The following GCN1 variants were observed in gnomAD, a reference collection of about 807,000 sequenced individuals.
GCN1 encodes stalled ribosome sensor GCN1.
A neutral mutation model predicts 288.4 loss-of-function variants in GCN1; 90 were observed. The observed-to-expected ratio is 0.31, with a 90% CI of 0.26 to 0.37. The LOEUF (loss-of-function observed/expected upper bound fraction) is 0.37, where lower values mean the gene tolerates loss of function less well. Among genes scored for constraint, GCN1 ranks in the 10% least tolerant of loss-of-function variants. GCN1 has a pLI of 1.00. For missense variants in GCN1, 2,586 were observed against 3,419.9 expected (o/e 0.76, Z 6.08); for synonymous variants, 1,386 against 1,420.2 (o/e 0.98, Z 0.54).
chr12:120,131,375 G>C (rs1348557305), intron 54 of GCN1, 42 bp from the exon 55 acceptor site: 3 of 1,604,196 alleles, frequency 1.9e-6, no homozygotes, highest in Non-Finnish European at 2.6e-6. Flanking sequence ...GTATTTTACA[G>C]CATGTCCCCA....
At chr12:120,163,376 C>T in intron 18 of GCN1, 117 bp from the exon 19 acceptor site, 1 of 775,062 alleles carries the variant, frequency 1.3e-6, no homozygotes, top group Non-Finnish European at 2.1e-6. Context: ...GGGGTCCTTG[C>T]TGGAGTAGAA....
intron 7 of GCN1, among the ~76,000 whole-genome samples, 159 bp downstream of exon 7, chr12:120,178,466 T>C (rs982264042): frequency 1.3e-5 from 2 of 152,250 alleles, no homozygotes; most frequent in African/African-American, 4.8e-5. Context: ...TCATGTATCA[T>C]GGCAAAAGGC....
chr12:120,138,105 G>A, intron 47 of GCN1, 61 bp from the exon 48 acceptor site: 1 of 1,484,718 alleles, frequency 6.7e-7, no homozygotes, highest in Non-Finnish European at 9.2e-7. Flanking sequence ...CTAGGCTCTG[G>A]GAACAGACGG....
chr12:120,152,302 T>A (rs1877582421), intron 33 of GCN1, among the ~76,000 whole-genome samples: 1 of 151,446 alleles, frequency 6.6e-6, no homozygotes, highest in South Asian at 2.1e-4. Context: ...GCACTGGGAT[T>A]ATAGGCATGA....
chr12:120,183,853 A>G (rs1878741529), intron 4 of GCN1, among the ~76,000 whole-genome samples, 176 bp from the exon 5 acceptor site: 1 of 152,258 alleles, frequency 6.6e-6, no homozygotes, highest in Non-Finnish European at 1.5e-5. Context: ...TCCAGGCTTC[A>G]GTGGCCAAAC....
intron 33 of GCN1, among the ~76,000 whole-genome samples, chr12:120,152,577 C>G (rs1594270065): frequency 8.0e-6 from 1 of 125,070 alleles, no homozygotes. Context: ...ACGCCCAGCC[C>G]AACTGTTCAC....
At chr12:120,175,618 G>A (rs958809841) in intron 11 of GCN1, 128 bp downstream of exon 11, 1 of 935,304 alleles carries the variant, frequency 1.1e-6, no homozygotes, top group African/African-American at 1.7e-5. Flanking sequence ...ATTCCAGTGT[G>A]ACGTCCCCCT....
intron 33 of GCN1, among the ~76,000 whole-genome samples, chr12:120,152,402 C>CACAT (rs2139104199): frequency 7.4e-6 from 1 of 134,760 alleles, no homozygotes; most frequent in African/African-American, 2.9e-5. Flanking sequence ...CACACACACA[C>CACAT]ACACACACAA....
chr12:120,189,599 C>T (rs961490892), intron 2 of GCN1, among the ~76,000 whole-genome samples: 1 of 149,628 alleles, frequency 6.7e-6, no homozygotes, highest in Non-Finnish European at 1.5e-5. Flanking sequence ...AAACTCCTGA[C>T]CTTGTGATCT....
chr12:120,162,149 CCTT>C, intron 20 of GCN1, 91 bp from the exon 21 acceptor site: 1 of 1,031,560 alleles, frequency 9.7e-7, no homozygotes, highest in Non-Finnish European at 1.4e-6. Flanking sequence ...CACTGGCTCC[CCTT>C]CTTTATGCCA....
At chr12:120,176,879 GCCTCAGTCTCCTGAGTAGCTAGGA>G (rs2139132698) in intron 9 of GCN1, among the ~76,000 whole-genome samples, 1 of 152,108 alleles carries the variant, frequency 6.6e-6, no homozygotes, top group Admixed American at 6.5e-5. Flanking sequence ...TGATTTTCCT[GCCTCAGTCTCCTGAGTAGCTAGGA>G]CTACAGGCAT....
rs906387308 is a variant in GCN1 at position 120,151,153 on chromosome 12, C to T, written c.4301G>A (p.Arg1434Gln). ...AGCTCAGAGATGCTCACCCTCTCGCCGGCGGAAGTTCTTCTTATCTTGGAT... is the reference window on the plus strand; with the variant it reads ...AGCTCAGAGATGCTCACCCTCTCGCTGGCGGAAGTTCTTCTTATCTTGGAT... ...DAIQDKKNFR[R>Q]REGALFAFEM... is the part of the protein sequence containing the mutation. Residue 1434 changes from arginine (R) to glutamine (Q), a missense_variant, in exon 34 of 58, where the codon CGG becomes CAG. By Grantham distance (43) the Arg-to-Gln change is conservative. Around this residue, in one of 8 missense-constraint regions of GCN1, gnomAD observed 371 missense variants for 572.6 expected, o/e 0.65. Coordinates refer to ENST00000300648, the MANE Select transcript of GCN1 (RefSeq NM_006836.2). 8.1e-6 allele frequency: 13 copies of T among 1,613,108 alleles called. No homozygotes were observed. The highest frequency in any genetic ancestry group is 1.3e-5 in the African/African-American group (1 of 74,942).
At position 120,127,384 on chromosome 12, in the gene GCN1, G is replaced by A. The variant is rs2422; in HGVS notation, c.*465C>T. On this transcript the variant is annotated 3_prime_UTR_variant, in exon 58 of 58. Transcript: ENST00000300648. The stretch of plus-strand genomic sequence containing the variant: ...TGTGAATCATTTTCATCTGACAGGG[G>A]TCAGATCCATTCAGACCTCACAATA... 0.56 allele frequency: 86,889 copies of A among 154,216 alleles called. 24,683 individuals carry two copies. Among genetic ancestry groups the A allele is most frequent in the Admixed American group, 0.63 (9,814 of 15,592 alleles). 9.6% of individuals were successfully genotyped at this position (154,216 alleles called of 1,614,324 possible).
Position 120,156,858 on chromosome 12 carries a change from G to A in GCN1, c.3168+54C>T. ...GACTCCACCCTTTACACTGGGACTTGAGGTCTGGGTCACGAACTGAGTCAC... is the reference window on the plus strand; with the variant it reads ...GACTCCACCCTTTACACTGGGACTTAAGGTCTGGGTCACGAACTGAGTCAC... On this transcript the variant is annotated intron_variant, in intron 27 of 57. Transcript: ENST00000300648. The surrounding 1 kb of genome is among the most constrained non-coding windows in gnomAD (Gnocchi z 5.8). 2 of 1,233,988 alleles carry A rather than the reference G, an allele frequency of 1.6e-6. No homozygotes were observed. The highest frequency in any genetic ancestry group is 1.9e-4 in the Middle Eastern group (1 of 5,312). The allele number at this position is 1,233,988 out of a possible 1,614,324, so 76.4% of individuals were successfully genotyped here.
At chr12:120,163,717 C>T (rs60106205) in intron 18 of GCN1, among the ~76,000 whole-genome samples, 228 of 152,202 alleles carry the variant, frequency 1.5e-3, no homozygotes, top group African/African-American at 5.3e-3. Context: ...ATAACAAGCC[C>T]TATTTGCCTT....
chr12:120,189,605 G>A (rs995996470), intron 2 of GCN1, among the ~76,000 whole-genome samples: 2 of 151,180 alleles, frequency 1.3e-5, no homozygotes, highest in East Asian at 4.0e-4. Flanking sequence ...CTGACCTTGT[G>A]ATCTGTTGAC....
At chr12:120,151,431 C>A (rs747505990) in intron 33 of GCN1, 40 bp from the exon 34 acceptor site, 4 of 1,606,256 alleles carry the variant, frequency 2.5e-6, no homozygotes, top group African/African-American at 1.3e-5. Context: ...GGCTCCGCTG[C>A]AGCCGTTTCA....
chr12:120,188,255 G>A (rs567713734), intron 2 of GCN1, among the ~76,000 whole-genome samples: 1 of 152,164 alleles, frequency 6.6e-6, no homozygotes, highest in Admixed American at 6.5e-5. Flanking sequence ...CCAACATGGT[G>A]AAACCCCATC....
rs890814903 is a variant in GCN1, at chr12:120,158,427, G to A, written c.2905+33C>T. ...AGCATTCCTGGCACCAGCTCACACCGCCTGGTGCCCCTGATCCCGTCCCAG... is the reference window on the plus strand; with the variant it reads ...AGCATTCCTGGCACCAGCTCACACCACCTGGTGCCCCTGATCCCGTCCCAG... On this transcript the variant is annotated intron_variant, in intron 25 of 57. Transcript: ENST00000300648. The surrounding 1 kb of genome is among the most constrained non-coding windows in gnomAD (Gnocchi z 4.3). The A allele has an allele frequency of 2.5e-5, 38 of 1,511,538 alleles. No individual in the cohort carries two copies. Among genetic ancestry groups the A allele is most frequent in the East Asian group, 1.2e-4 (5 of 40,670 alleles). The allele number at this position is 1,511,538 out of a possible 1,614,324, so 93.6% of individuals were successfully genotyped here. A position where few individuals can be genotyped will look rare whatever the true frequency, so the allele number is the denominator to read the frequency against.
Sources: allele counts gnomAD v4.1 joint callset (sites outside exome capture counted in the v4.1 genomes callset), GRCh38; gene constraint gnomAD v4.1.1; regional missense constraint gnomAD v4.1.1; non-coding constraint Gnocchi (gnomAD v3.1); transcripts MANE v1.5; gene names NCBI Gene and HGNC (gene_info 2026-07-23, HGNC 2026-07-21).